PLPPR5: variants seen among roughly 807,000 people sequenced by gnomAD.
PLPPR5 encodes phospholipid phosphatase-related protein type 5.
In PLPPR5, 16 loss-of-function variants were observed where a neutral mutation model predicts 33.9. The observed-to-expected ratio is 0.47, with a 90% CI of 0.32 to 0.72. The LOEUF (loss-of-function observed/expected upper bound fraction) is 0.72. Ranked by LOEUF, PLPPR5 falls within the 30% of genes least tolerant of loss-of-function variation. PLPPR5 has a pLI of 0.03. For missense variants in PLPPR5, 301 were observed against 406.7 expected, an observed-to-expected ratio of 0.74 and a Z score of 2.23; for synonymous variants, 163 against 150.3, an observed-to-expected ratio of 1.08 and a Z score of -0.62.
At chr1:98,893,724 A>T (rs1648369968) in intron 5 of PLPPR5, among the ~76,000 whole-genome samples, 1 of 149,330 alleles carries the variant, frequency 6.7e-6, no homozygotes, top group Non-Finnish European at 1.5e-5. Flanking sequence ...AGGCCATGTC[A>T]TGCCTGCTGA....
chr1:98,996,943 T>C (rs887670908), intron 1 of PLPPR5, among the ~76,000 whole-genome samples: 1 of 152,138 alleles, frequency 6.6e-6, no homozygotes, highest in Admixed American at 6.6e-5. Context: ...CAACAGAGCA[T>C]TGGACCTGAA....
At chr1:98,893,512 G>T (rs1394032861) in intron 5 of PLPPR5, among the ~76,000 whole-genome samples, 1 of 151,452 alleles carries the variant, frequency 6.6e-6, no homozygotes, top group Non-Finnish European at 1.5e-5. Flanking sequence ...AATGGCATTT[G>T]CTAGTTGACA....
intron 3 of PLPPR5, among the ~76,000 whole-genome samples, chr1:98,930,160 A>G (rs1649912897): frequency 6.6e-6 from 1 of 152,212 alleles, no homozygotes; most frequent in African/African-American, 2.4e-5. Flanking sequence ...GATTTGGTAT[A>G]CCTTAAACAA....
chr1:98,999,178 G>T (rs555329651), intron 1 of PLPPR5, among the ~76,000 whole-genome samples: 276 of 152,300 alleles, frequency 1.8e-3, no homozygotes, highest in Non-Finnish European at 3.1e-3. Flanking sequence ...AAAGTAGTTT[G>T]CTAGGTGCTT....
rs111575797 is a variant in PLPPR5 at position 98,923,522 on chromosome 1, A to AT, written c.622-1465dup. On this transcript the variant is annotated intron_variant, in intron 3 of 5. Coordinates refer to ENST00000263177, the MANE Select transcript of PLPPR5 (RefSeq NM_001037317.2). ...ATGAAATCCAGTAATTATCTTCTCT[A>AT]TTTTTTTTTTTCTGGGCAGTTTGCA... is the stretch of plus-strand genomic sequence containing the variant. Among the ~76,000 whole-genome samples the AT allele has an allele frequency of 7.1e-4, 104 of 147,282 alleles. No homozygotes were observed. In the Middle Eastern group the frequency reaches 0.014, roughly 20 times the overall value.
intron 3 of PLPPR5, among the ~76,000 whole-genome samples, 186 bp downstream of exon 3, chr1:98,952,884 T>C (rs1422982080): frequency 6.6e-6 from 1 of 152,184 alleles, no homozygotes; most frequent in Non-Finnish European, 1.5e-5. Flanking sequence ...CATAATCTCA[T>C]GAGAGTCAAC....
At chr1:98,961,919 C>G (rs1355794396) in intron 1 of PLPPR5, among the ~76,000 whole-genome samples, 1 of 152,182 alleles carries the variant, frequency 6.6e-6, no homozygotes, top group Non-Finnish European at 1.5e-5. Flanking sequence ...AATCCTAAAT[C>G]TGCATATTTC....
At chr1:98,917,232 T>C (rs1649389865) in intron 4 of PLPPR5, among the ~76,000 whole-genome samples, 1 of 152,164 alleles carries the variant, frequency 6.6e-6, no homozygotes, top group African/African-American at 2.4e-5. Context: ...ACTTGACCAG[T>C]TACTGAATCT....
At chr1:98,933,900 A>C in intron 3 of PLPPR5, among the ~76,000 whole-genome samples, 1 of 152,168 alleles carries the variant, frequency 6.6e-6, no homozygotes, top group East Asian at 1.9e-4. Flanking sequence ...ATGGTGGGAA[A>C]ACTAGCTTGG....
chr1:98,984,635 T>C (rs976285453), intron 1 of PLPPR5, among the ~76,000 whole-genome samples: 11 of 152,076 alleles, frequency 7.2e-5, no homozygotes, highest in Non-Finnish European at 1.2e-4. Context: ...TTTAAAAATA[T>C]TCTTTTGCAA....
chr1:98,934,586 C>T (rs1650109085), intron 3 of PLPPR5, among the ~76,000 whole-genome samples: 2 of 152,042 alleles, frequency 1.3e-5, no homozygotes, highest in Admixed American at 1.3e-4. Context: ...TGCTGCTGAC[C>T]TCAAGGAGCT....
chr1:98,942,795 GA>G, intron 3 of PLPPR5, among the ~76,000 whole-genome samples: 1 of 152,340 alleles, frequency 6.6e-6, no homozygotes, highest in Non-Finnish European at 1.5e-5. Flanking sequence ...TATTAGCCTT[GA>G]GGGGTGGACA....
chr1:98,945,346 C>A (rs1650512613), intron 3 of PLPPR5, among the ~76,000 whole-genome samples: 1 of 152,214 alleles, frequency 6.6e-6, no homozygotes, highest in Non-Finnish European at 1.5e-5. Context: ...CTGGAGCACA[C>A]ACGTTTTCAA....
chr1:98,926,881 C>T (rs1410612929), intron 3 of PLPPR5, among the ~76,000 whole-genome samples: 2 of 152,118 alleles, frequency 1.3e-5, no homozygotes, highest in African/African-American at 4.8e-5. Context: ...TTAAGCCAAC[C>T]GTGTAATGTC....
intron 1 of PLPPR5, among the ~76,000 whole-genome samples, chr1:98,964,302 C>T (rs1392629428): frequency 6.6e-6 from 1 of 152,154 alleles, no homozygotes; most frequent in African/African-American, 2.4e-5. Context: ...GACTGAGAAG[C>T]AGCAGGGCCC....
intron 5 of PLPPR5, among the ~76,000 whole-genome samples, chr1:98,912,282 G>A (rs758538094): frequency 7.9e-5 from 12 of 152,162 alleles, no homozygotes; most frequent in Non-Finnish European, 1.6e-4. Context: ...ATGGGAATAT[G>A]CATTATAATA....
At chr1:98,927,603 C>T (rs1649815286) in intron 3 of PLPPR5, among the ~76,000 whole-genome samples, 2 of 152,232 alleles carry the variant, frequency 1.3e-5, no homozygotes. Context: ...TTACCTGCTG[C>T]AGGTGTACTA....
chr1:98,901,574 C>T (rs934051286), intron 5 of PLPPR5, among the ~76,000 whole-genome samples: 2 of 151,886 alleles, frequency 1.3e-5, no homozygotes, highest in African/African-American at 4.8e-5. Context: ...CTGGTTGTTT[C>T]AGTACGAAAG....
At chr1:98,950,180 T>C (rs1650726277) in intron 3 of PLPPR5, among the ~76,000 whole-genome samples, 1 of 95,528 alleles carries the variant, frequency 1.0e-5, no homozygotes, top group South Asian at 4.4e-4. Context: ...TACTTTACTT[T>C]TTGAGTCTCC....
Sources: gnomAD v4.1 joint callset for allele counts (sites outside exome capture counted in the v4.1 genomes callset) on GRCh38, gnomAD v4.1.1 for gene constraint, MANE v1.5 for transcripts, NCBI Gene and HGNC (gene_info 2026-07-23, HGNC 2026-07-21) for gene names.